Variants in RASA3 observed in about 807,000 individuals in gnomAD.
RASA3 encodes ras GTPase-activating protein 3.
In RASA3, 73 loss-of-function variants were observed where a neutral mutation model predicts 110.0. That is an observed-to-expected ratio of 0.66 (90% confidence interval 0.55 to 0.81). The LOEUF is 0.81. RASA3 is among the 30% of genes least tolerant of loss of function. The pLI is 0.00. For synonymous variants in RASA3, 500 were observed against 451.4 expected (o/e 1.11, Z -1.37); for missense variants, 976 against 1,113.2 (o/e 0.88, Z 1.75).
At chr13:113,999,233 C>T (rs935131650) in intron 20 of RASA3, among the ~76,000 whole-genome samples, 5 of 152,146 alleles carry the variant, frequency 3.3e-5, no homozygotes, top group Non-Finnish European at 5.9e-5. Flanking sequence ...AAAAAGCTTC[C>T]AAAAGGAATT....
chr13:114,040,209 G>A (rs918650954), intron 4 of RASA3, among the ~76,000 whole-genome samples: 13 of 152,110 alleles, frequency 8.5e-5, no homozygotes, highest in African/African-American at 2.4e-4. Flanking sequence ...ACAAGTGGGC[G>A]AACAGACACA....
intron 1 of RASA3, among the ~76,000 whole-genome samples, chr13:114,128,181 G>A (rs2080475074): frequency 1.3e-5 from 2 of 152,256 alleles, no homozygotes; most frequent in South Asian, 4.1e-4. Flanking sequence ...AGGCCCATGT[G>A]TGGCCACACA....
intron 1 of RASA3, 127 bp from the exon 2 acceptor site, chr13:114,073,964 G>A (rs2079624373): frequency 1.2e-6 from 1 of 827,440 alleles, no homozygotes; most frequent in Non-Finnish European, 2.0e-6. Flanking sequence ...TGGTTTTTTT[G>A]CCACCACAAG....
At chr13:114,047,767 C>T (rs1444363486) in intron 3 of RASA3, among the ~76,000 whole-genome samples, 2 of 152,214 alleles carry the variant, frequency 1.3e-5, no homozygotes, top group African/African-American at 4.8e-5. Flanking sequence ...GCAGAGGGCA[C>T]GGCCCCTCCA....
intron 1 of RASA3, among the ~76,000 whole-genome samples, chr13:114,101,398 A>G (rs888359936): frequency 2.0e-5 from 3 of 152,184 alleles, no homozygotes; most frequent in Non-Finnish European, 4.4e-5. Flanking sequence ...GCACCTCTAC[A>G]GGAAGGACAG....
intron 22 of RASA3, among the ~76,000 whole-genome samples, chr13:113,984,377 T>C (rs1335621869): frequency 9.9e-6 from 1 of 101,198 alleles, no homozygotes; most frequent in African/African-American, 3.3e-5. Context: ...CACCCATTCA[T>C]CACTCACCCA....
intron 9 of RASA3, 129 bp from the exon 10 acceptor site, chr13:114,019,048 G>T: frequency 8.3e-7 from 1 of 1,202,394 alleles, no homozygotes; most frequent in Non-Finnish European, 1.2e-6. Context: ...CCCTCAGAGT[G>T]CAGCCCCTGG....
In RASA3 at chr13:114,017,261, G is replaced by A. The variant is rs1323391919; in HGVS notation, c.1182C>T (p.Val394=). 1 of 1,613,628 alleles carries A rather than the reference G, an allele frequency of 6.2e-7. No homozygotes were observed. Among genetic ancestry groups the A allele is most frequent in the Non-Finnish European group, 8.5e-7 (1 of 1,180,008 alleles). ...CCTCCTCGATGGCGGGCTTCAGGGT[G>A]ACATGCAGGTAATGCATCCCCGCCA... The part of the protein sequence containing the change: ...MKLAGMHYLH[V]TLKPAIEEIC... The change falls in exon 12 of 24, where the codon GTC becomes GTT. Residue 394 remains valine (V), a synonymous_variant. Transcript: ENST00000334062.
In RASA3 at chr13:114,017,252, C is replaced by A; in HGVS notation, c.1191G>T (p.Lys397Asn). ...CCGTGCTCACCTCCTCGATGGCGGGCTTCAGGGTGACATGCAGGTAATGCA... is the reference window on the plus strand; with the variant it reads ...CCGTGCTCACCTCCTCGATGGCGGGATTCAGGGTGACATGCAGGTAATGCA... ...AGMHYLHVTL[K>N]PAIEEICQSH... The change falls in exon 12 of 24, where the codon AAG becomes AAT. Residue 397 changes from lysine to asparagine, a missense_variant. Physicochemically the swap from Lys to Asn is moderately conservative, Grantham distance 94. Transcript: ENST00000334062. 1 of 1,613,614 alleles carries A rather than the reference C, an allele frequency of 6.2e-7. No individual in the cohort carries two copies. Among genetic ancestry groups the A allele is most frequent in the Non-Finnish European group, 8.5e-7 (1 of 1,179,970 alleles).
chr13:114,075,105 C>G (rs567653010), intron 1 of RASA3, among the ~76,000 whole-genome samples: 1 of 151,914 alleles, frequency 6.6e-6, no homozygotes, highest in Non-Finnish European at 1.5e-5. Flanking sequence ...ACAGGCACCA[C>G]GCTGAGACCA....
At chr13:114,095,325 A>C (rs1484371327) in intron 1 of RASA3, among the ~76,000 whole-genome samples, 1 of 152,180 alleles carries the variant, frequency 6.6e-6, no homozygotes, top group Non-Finnish European at 1.5e-5. Context: ...ACAGAGCTAT[A>C]AAACCATCAC....
intron 4 of RASA3, among the ~76,000 whole-genome samples, chr13:114,038,201 C>G (rs921711359): frequency 6.6e-5 from 10 of 152,246 alleles, no homozygotes; most frequent in Non-Finnish European, 1.2e-4. Flanking sequence ...ACGGAGACCC[C>G]AGCGACGGCG....
At chr13:113,997,817 G>A (rs2053290110) in intron 20 of RASA3, among the ~76,000 whole-genome samples, 1 of 152,160 alleles carries the variant, frequency 6.6e-6, no homozygotes, top group Admixed American at 6.5e-5. Flanking sequence ...CATCTGGGGA[G>A]GATTTGGGCT....
intron 14 of RASA3, 115 bp from the exon 15 acceptor site, chr13:114,013,363 A>G (rs1024598901): frequency 7.7e-6 from 4 of 519,548 alleles, no homozygotes; most frequent in South Asian, 4.7e-5. Context: ...TCCTGGCTCT[A>G]TCTCCACCTG....
intron 23 of RASA3, among the ~76,000 whole-genome samples, chr13:113,981,062 C>T (rs1271750156): frequency 6.6e-6 from 1 of 152,186 alleles, no homozygotes; most frequent in Non-Finnish European, 1.5e-5. Context: ...GTGACACAGA[C>T]ACATCTGCTC....
chr13:114,024,172 G>A (rs901249563), intron 8 of RASA3, 107 bp downstream of exon 8: 47 of 1,139,964 alleles, frequency 4.1e-5, no homozygotes, highest in South Asian at 9.0e-5. Context: ...CAAGAAAATG[G>A]AAATTCATTT....
chr13:114,077,495 A>G, intron 1 of RASA3, among the ~76,000 whole-genome samples: 1 of 99,348 alleles, frequency 1.0e-5, no homozygotes, highest in Non-Finnish European at 1.9e-5. Flanking sequence ...AATGATGCCC[A>G]GTCCCCCCAC....
chr13:114,127,838 GA>G (rs1197284395), intron 1 of RASA3, among the ~76,000 whole-genome samples: 1 of 152,208 alleles, frequency 6.6e-6, no homozygotes, highest in African/African-American at 2.4e-5. Context: ...CTTGGGCCCA[GA>G]TAAATCCGTG....
chr13:114,080,661 C>CACCGGCTGA, intron 1 of RASA3, among the ~76,000 whole-genome samples: 1 of 40,788 alleles, frequency 2.5e-5, no homozygotes, highest in African/African-American at 1.8e-4. Flanking sequence ...CTGACCCCGA[C>CACCGGCTGA]AACGGCTGAA....
Sources: gnomAD v4.1 joint callset for allele counts (sites outside exome capture counted in the v4.1 genomes callset) on GRCh38, gnomAD v4.1.1 for gene constraint, MANE v1.5 for transcripts, NCBI Gene and HGNC (gene_info 2026-07-23, HGNC 2026-07-21) for gene names.